PARD3: variants seen among roughly 807,000 people sequenced by gnomAD.
PARD3 encodes the protein par-3 family cell polarity regulator, also known as partitioning defective 3 homolog.
PARD3 carries 75 observed loss-of-function variants against 155.4 expected under a neutral mutation model. The ratio of observed to expected loss-of-function variants is 0.48; its 90% confidence interval spans 0.40 to 0.58. PARD3 has a LOEUF of 0.58. Ranked by LOEUF, PARD3 falls within the 20% of genes least tolerant of loss-of-function variation. PARD3 has a pLI of 0.00. For missense variants in PARD3, 1,642 were observed against 1,721.7 expected (o/e 0.95, Z 0.82); for synonymous variants, 576 against 610.5 (o/e 0.94, Z 0.83).
rs185934300 is a variant in PARD3 at position 34,423,114 on chromosome 10, C to T, written c.715-21197G>A. Among the ~76,000 whole-genome samples, 18 of 152,244 alleles carry T rather than the reference C, an allele frequency of 1.2e-4. No homozygotes were observed. In the East Asian group the frequency reaches 2.9e-3, roughly 24 times the overall value. ...ACACAGATACATACATACACAAACA[C>T]ACACACACAACAAAATACTACTCTG... is the stretch of plus-strand genomic sequence containing the variant. On this transcript the variant is annotated intron_variant, in intron 5 of 24. Coordinates refer to ENST00000374788, the MANE Select transcript of PARD3 (RefSeq NM_001184785.2).
At chr10:34,708,222 G>GT (rs2094396399) in intron 1 of PARD3, among the ~76,000 whole-genome samples, 1 of 145,714 alleles carries the variant, frequency 6.9e-6, no homozygotes, top group South Asian at 2.2e-4. Context: ...GTTTTTCTTT[G>GT]TTTTTTGTCT....
In PARD3 at chr10:34,715,537, C is replaced by T. The variant is rs111318743; in HGVS notation, c.121-19118G>A. On this transcript the variant is annotated intron_variant, in intron 1 of 24. Transcript: ENST00000374788. ...AAAGCCATCCCTACCCCTTCCCTTGCGGAAATCTTACCCACATTTCAGTTC... is the reference window on the plus strand; with the variant it reads ...AAAGCCATCCCTACCCCTTCCCTTGTGGAAATCTTACCCACATTTCAGTTC... 5.5e-3 allele frequency among the ~76,000 whole-genome samples: 843 copies of T among 152,270 alleles called. 7 individuals carry two copies. The highest frequency in any genetic ancestry group is 0.019 in the African/African-American group (799 of 41,546).
chr10:34,481,303 C>T (rs1406685773), intron 3 of PARD3, among the ~76,000 whole-genome samples: 2 of 152,052 alleles, frequency 1.3e-5, no homozygotes, highest in Admixed American at 1.3e-4. Context: ...GACTCCTTTC[C>T]TTTCATCCCC....
intron 2 of PARD3, among the ~76,000 whole-genome samples, chr10:34,611,807 C>CTTTTTTTT (rs397829689): frequency 1.8e-5 from 2 of 109,234 alleles, no homozygotes; most frequent in Non-Finnish European, 3.5e-5. Context: ...ACATTTCTTT[C>CTTTTTTTT]TTTTTTTTTT....
chr10:34,710,465 T>C (rs1169192292), intron 1 of PARD3, among the ~76,000 whole-genome samples: 1 of 148,952 alleles, frequency 6.7e-6, no homozygotes, highest in Non-Finnish European at 1.5e-5. Context: ...AAAATGACTG[T>C]CCAATTCACT....
At chr10:34,250,907 A>G (rs1251143750) in intron 22 of PARD3, among the ~76,000 whole-genome samples, 1 of 152,230 alleles carries the variant, frequency 6.6e-6, no homozygotes, top group Admixed American at 6.5e-5. Context: ...TTCTCTCTTA[A>G]GAGTGAGAAT....
At chr10:34,351,075 T>G (rs1018617415) in intron 14 of PARD3, among the ~76,000 whole-genome samples, 15 of 152,216 alleles carry the variant, frequency 9.9e-5, no homozygotes, top group African/African-American at 3.4e-4. Context: ...AATCTCCGTT[T>G]GTTGTGAGTA....
At chr10:34,260,649 C>T (rs1159201575) in intron 22 of PARD3, among the ~76,000 whole-genome samples, 1 of 152,156 alleles carries the variant, frequency 6.6e-6, no homozygotes, top group Non-Finnish European at 1.5e-5. Context: ...GGATGGAGCA[C>T]ATTAATTAGC....
At chr10:34,760,075 T>C (rs2134009162) in intron 1 of PARD3, among the ~76,000 whole-genome samples, 1 of 152,294 alleles carries the variant, frequency 6.6e-6, no homozygotes, top group South Asian at 2.1e-4. Flanking sequence ...CTATATTATG[T>C]AAGTAATCTC....
chr10:34,431,400 T>C (rs918947409), intron 5 of PARD3, among the ~76,000 whole-genome samples: 12 of 152,106 alleles, frequency 7.9e-5, no homozygotes, highest in African/African-American at 2.2e-4. Flanking sequence ...CATGAGATCA[T>C]GGTAGGAGAT....
In PARD3 at chr10:34,529,015, T is replaced by C. The variant is rs148691796; in HGVS notation, c.223-11856A>G. On this transcript the variant is annotated intron_variant, in intron 2 of 24. Transcript: ENST00000374788. ...GTGTCTAGGTTTGTCATTTGGGTGG[T>C]TGGGCAGAGGACAGGCACAAGGACA... is the stretch of plus-strand genomic sequence containing the variant. Among the ~76,000 whole-genome samples, 887 of 152,216 alleles carry C rather than the reference T, an allele frequency of 5.8e-3. 9 individuals are homozygous for C. The highest frequency in any genetic ancestry group is 0.02 in the African/African-American group (848 of 41,530).
intron 2 of PARD3, among the ~76,000 whole-genome samples, chr10:34,605,739 CTATATATATATATATCTCCTA>C (rs2090296172): frequency 2.7e-3 from 3 of 1,098 alleles, no homozygotes; most frequent in South Asian, 0.025. Flanking sequence ...TATATATCTC[CTATATATATATATATCTCCTA>C]TATATATATA....
chr10:34,789,792 T>C (rs1431804318), intron 1 of PARD3, among the ~76,000 whole-genome samples: 1 of 152,218 alleles, frequency 6.6e-6, no homozygotes, highest in African/African-American at 2.4e-5. Flanking sequence ...AATGCTCTTT[T>C]GTAGATTATT....
intron 1 of PARD3, among the ~76,000 whole-genome samples, chr10:34,797,994 G>A (rs928371882): frequency 2.6e-5 from 4 of 151,744 alleles, no homozygotes; most frequent in Non-Finnish European, 5.9e-5. Context: ...CACAAGACTC[G>A]GTCTCAAAAA....
At chr10:34,369,308 A>AT (rs2134600353) in intron 12 of PARD3, among the ~76,000 whole-genome samples, 2 of 80,016 alleles carry the variant, frequency 2.5e-5, no homozygotes, top group East Asian at 9.4e-4. Context: ...TGATTTATTT[A>AT]TTTATTTGTT....
In PARD3 at chr10:34,470,464, G is replaced by A. The variant is rs376971463; in HGVS notation, c.404-201C>T. On this transcript the variant is annotated intron_variant, in intron 3 of 24. Coordinates refer to ENST00000374788, the MANE Select transcript of PARD3 (RefSeq NM_001184785.2). ...GGTGAAAGAGATGCGGTCAAGTGTC[G>A]GCTCCGAGCAAAATGGCCCAGGTTT... 6.9e-4 allele frequency among the ~76,000 whole-genome samples: 105 copies of A among 152,190 alleles called. 1 individual carries two copies. In the South Asian group the frequency reaches 7.9e-3, roughly 11 times the overall value.
At chr10:34,577,472 C>T (rs1311310830) in intron 2 of PARD3, among the ~76,000 whole-genome samples, 2 of 152,202 alleles carry the variant, frequency 1.3e-5, no homozygotes, top group Admixed American at 1.3e-4. Context: ...TGCATGATGG[C>T]CCCAAATCAA....
chr10:34,610,289 T>A (rs1590220202), intron 2 of PARD3, among the ~76,000 whole-genome samples: 1 of 152,206 alleles, frequency 6.6e-6, no homozygotes. Context: ...AGTTGCTGAA[T>A]GCTCTTGATT....
chr10:34,281,111 T>A (rs1564544764), intron 21 of PARD3, among the ~76,000 whole-genome samples: 1 of 152,092 alleles, frequency 6.6e-6, no homozygotes, highest in East Asian at 1.9e-4. Context: ...GGGCTTTGTA[T>A]GGGAGGCTAA....
Sources: gnomAD v4.1 joint callset for allele counts (sites outside exome capture counted in the v4.1 genomes callset) on GRCh38, gnomAD v4.1.1 for gene constraint, MANE v1.5 for transcripts, NCBI Gene and HGNC (gene_info 2026-07-23, HGNC 2026-07-21) for gene names.